Variants in PCSK5 observed in about 807,000 individuals in gnomAD.
PCSK5 encodes the protein prohormone convertase 5.
PCSK5 carries 129 observed loss-of-function variants against 233.2 expected under a neutral mutation model. The observed-to-expected ratio is 0.55, with a 90% CI of 0.48 to 0.64. The LOEUF is 0.64. Among genes scored for constraint, PCSK5 ranks in the 30% least tolerant of loss-of-function variants. The pLI, the probability that PCSK5 is intolerant of heterozygous loss-of-function variation, is 0.00. For synonymous variants in PCSK5, 825 were observed against 879.2 expected (o/e 0.94, Z 1.09); for missense variants, 2,076 against 2,430.1 (o/e 0.85, Z 3.06).
intron 2 of PCSK5, among the ~76,000 whole-genome samples, chr9:75,935,791 A>G (rs530663074): frequency 2.6e-5 from 4 of 152,290 alleles, no homozygotes; most frequent in Non-Finnish European, 4.4e-5. Context: ...TGGCAAGAAC[A>G]TTTTTGGCAA....
chr9:76,091,693 G>T (rs1831295412), intron 7 of PCSK5, among the ~76,000 whole-genome samples: 1 of 152,054 alleles, frequency 6.6e-6, no homozygotes. Flanking sequence ...GGGGGCTCAG[G>T]TATGCATTCA....
intron 7 of PCSK5, among the ~76,000 whole-genome samples, chr9:76,081,347 AGGAGG>A (rs2131620230): frequency 2.0e-5 from 3 of 152,176 alleles, no homozygotes; most frequent in African/African-American, 7.2e-5. Context: ...CCAGCTACTC[AGGAGG>A]CTGAGGCAGG....
At chr9:76,353,347 G>C (rs1830217010) in intron 36 of PCSK5, among the ~76,000 whole-genome samples, 1 of 152,130 alleles carries the variant, frequency 6.6e-6, no homozygotes, top group Non-Finnish European at 1.5e-5. Context: ...TTAACTACTT[G>C]AGCTACACAG....
intron 3 of PCSK5, among the ~76,000 whole-genome samples, chr9:75,994,839 C>A (rs1826942438): frequency 6.6e-6 from 1 of 152,160 alleles, no homozygotes; most frequent in African/African-American, 2.4e-5. Context: ...TTAGTCATTT[C>A]CCTTTGCTTA....
chr9:76,198,860 A>C (rs145489721), intron 20 of PCSK5, among the ~76,000 whole-genome samples: 3 of 152,216 alleles, frequency 2.0e-5, no homozygotes, highest in African/African-American at 7.2e-5. Flanking sequence ...AAATATTGTC[A>C]GGAGTCAAAG....
In PCSK5 at chr9:76,071,927, C is replaced by T. The variant is rs763712687; in HGVS notation, c.894+29C>T. 4 of 1,594,674 alleles carry T rather than the reference C, an allele frequency of 2.5e-6. No individual in the cohort carries two copies. The South Asian group carries it at 3.4e-5, about 13-fold the overall frequency. The stretch of plus-strand genomic sequence containing the variant: ...GGTTTTAAAAGCATGGAGGCTTATA[C>T]TGTGTGGATGGGTGATGATTCTCAT... On this transcript the variant is annotated intron_variant, in intron 7 of 37. Coordinates refer to ENST00000674117, the MANE Select transcript of PCSK5 (RefSeq NM_001372043.1).
At chr9:75,952,719 A>G (rs1309266026) in intron 2 of PCSK5, among the ~76,000 whole-genome samples, 1 of 152,164 alleles carries the variant, frequency 6.6e-6, no homozygotes, top group Non-Finnish European at 1.5e-5. Context: ...ATAATTCGGT[A>G]TGTAGTCTTT....
chr9:76,324,403 G>C (rs1314290944), intron 32 of PCSK5, among the ~76,000 whole-genome samples: 1 of 151,348 alleles, frequency 6.6e-6, no homozygotes, highest in Non-Finnish European at 1.5e-5. Context: ...GCTAATTTTT[G>C]CATTTTTAGT....
At chr9:75,956,363 G>C (rs762412700) in intron 2 of PCSK5, among the ~76,000 whole-genome samples, 4 of 152,140 alleles carry the variant, frequency 2.6e-5, no homozygotes, top group Non-Finnish European at 5.9e-5. Flanking sequence ...GGTGCTGGGT[G>C]GTTAGGAAAT....
intron 6 of PCSK5, among the ~76,000 whole-genome samples, chr9:76,069,926 G>A (rs970054563): frequency 4.0e-5 from 6 of 150,502 alleles, no homozygotes; most frequent in Non-Finnish European, 8.9e-5. Context: ...TACTCAGGAT[G>A]CAGTACATCG....
chr9:76,286,956 A>G (rs1042141224), intron 24 of PCSK5: 1 of 233,040 alleles, frequency 4.3e-6, no homozygotes, highest in Non-Finnish European at 8.3e-6. Context: ...CCTGGATGAA[A>G]GCACACCGCT....
At chr9:76,134,380 A>G (rs1587670611) in intron 10 of PCSK5, among the ~76,000 whole-genome samples, 168 bp downstream of exon 10, 1 of 152,160 alleles carries the variant, frequency 6.6e-6, no homozygotes, top group East Asian at 1.9e-4. Context: ...TTTTTAAGTT[A>G]AAACTACACA....
rs183787736 is a variant in PCSK5 at position 76,322,198 on chromosome 9, C to T, written c.4102+559C>T. ...CTCCTGACCTCAGGTGATCCACCGT[C>T]CTCAGCCTCCCAAAGTGCTGGGATT... is the stretch of plus-strand genomic sequence containing the variant. On this transcript the variant is annotated intron_variant, in intron 31 of 37. Transcript: ENST00000674117. Among the ~76,000 whole-genome samples the T allele has an allele frequency of 7.8e-4, 119 of 152,316 alleles. 1 individual carries two copies. The highest frequency in any genetic ancestry group is 2.6e-3 in the African/African-American group (109 of 41,572).
intron 9 of PCSK5, among the ~76,000 whole-genome samples, chr9:76,126,181 A>ATGTGTGTGTGTG (rs71499131): frequency 0.086 from 12,914 of 150,450 alleles, 658 homozygotes; most frequent in Middle Eastern, 0.13. Flanking sequence ...GTGTGTGTGT[A>ATGTGTGTGTGTG]TGTGTGTGTG....
chr9:75,898,905 G>A (rs957364298), intron 1 of PCSK5, among the ~76,000 whole-genome samples: 13 of 152,184 alleles, frequency 8.5e-5, no homozygotes, highest in African/African-American at 2.9e-4. Flanking sequence ...CATTTAGTAA[G>A]ACAAATAGTA....
At chr9:76,129,753 C>T (rs1161107044) in intron 9 of PCSK5, among the ~76,000 whole-genome samples, 2 of 152,048 alleles carry the variant, frequency 1.3e-5, no homozygotes, top group Non-Finnish European at 2.9e-5. Context: ...AGTGGTTGCA[C>T]TTAGCCCAAC....
chr9:76,316,065 A>G (rs921480835), intron 30 of PCSK5, among the ~76,000 whole-genome samples: 1 of 148,646 alleles, frequency 6.7e-6, no homozygotes, highest in Non-Finnish European at 1.5e-5. Flanking sequence ...TTAGCTCTGT[A>G]TTAGCATTCA....
At chr9:76,316,086 T>G (rs1378363594) in intron 30 of PCSK5, among the ~76,000 whole-genome samples, 2 of 152,154 alleles carry the variant, frequency 1.3e-5, no homozygotes, top group African/African-American at 2.4e-5. Context: ...TCATCTTCAG[T>G]GTCCAGAAAC....
At chr9:76,309,170 A>T (rs531226087) in intron 29 of PCSK5, among the ~76,000 whole-genome samples, 3 of 152,154 alleles carry the variant, frequency 2.0e-5, no homozygotes, top group Admixed American at 2.0e-4. Flanking sequence ...GTGAACCATG[A>T]TCATGCCACT....
Sources: gnomAD v4.1 joint callset for allele counts (sites outside exome capture counted in the v4.1 genomes callset) on GRCh38, gnomAD v4.1.1 for gene constraint, MANE v1.5 for transcripts, NCBI Gene and HGNC (gene_info 2026-07-23, HGNC 2026-07-21) for gene names.